Variants in PSD3 observed in about 807,000 individuals in gnomAD.
PSD3 encodes pleckstrin and Sec7 domain containing 3.
Under a neutral mutation model 105.5 loss-of-function variants are expected in PSD3, and 49 were observed. The observed-to-expected ratio is 0.46, with a 90% confidence interval of 0.37 to 0.59. The LOEUF (loss-of-function observed/expected upper bound fraction) is 0.59, where lower values mean the gene tolerates loss of function less well. Among genes scored for constraint, PSD3 ranks in the 20% least tolerant of loss-of-function variants. The probability of loss-of-function intolerance (pLI) is 0.00; values close to 1 mark genes in which losing one functional copy is unlikely to be tolerated. For missense variants in PSD3, 1,561 were observed against 1,263.8 expected (o/e 1.24, Z -3.57); for synonymous variants, 557 against 457.8 (o/e 1.22, Z -2.77).
chr8:18,801,657 C>T (rs2129447399), intron 6 of PSD3, among the ~76,000 whole-genome samples: 1 of 152,148 alleles, frequency 6.6e-6, no homozygotes, highest in Admixed American at 6.5e-5. Context: ...TGGCGAAACC[C>T]CATCTCTACT....
intron 2 of PSD3, among the ~76,000 whole-genome samples, chr8:18,881,036 A>T (rs1818067258): frequency 6.6e-6 from 1 of 152,178 alleles, no homozygotes. Flanking sequence ...GGAGGTATCT[A>T]TTTACAGTCC....
At chr8:18,908,623 G>A (rs12375314) in intron 2 of PSD3, among the ~76,000 whole-genome samples, 6,959 of 152,196 alleles carry the variant, frequency 0.046, 197 homozygotes, top group Admixed American at 0.08. Flanking sequence ...ATGAAAGCAC[G>A]TCTGTCTCTG....
chr8:18,810,091 T>C (rs1466921411), intron 4 of PSD3, among the ~76,000 whole-genome samples: 2 of 152,186 alleles, frequency 1.3e-5, no homozygotes, highest in Admixed American at 1.3e-4. Context: ...CAAGCTGTGC[T>C]CCCATGCCTT....
chr8:18,619,047 A>T (rs1319337738), intron 11 of PSD3, among the ~76,000 whole-genome samples: 1 of 152,082 alleles, frequency 6.6e-6, no homozygotes. Context: ...GCTTGAGCTC[A>T]AAGTGTTTTT....
chr8:18,638,448 T>C (rs545698681), intron 10 of PSD3, among the ~76,000 whole-genome samples: 2 of 152,072 alleles, frequency 1.3e-5, no homozygotes, highest in South Asian at 4.1e-4. Context: ...AGTTTTAGAT[T>C]AAAAAACCAA....
intron 4 of PSD3, among the ~76,000 whole-genome samples, chr8:18,809,095 G>T (rs1811462470): frequency 6.6e-6 from 1 of 152,160 alleles, no homozygotes; most frequent in Non-Finnish European, 1.5e-5. Context: ...TCTCGGAGGG[G>T]ATAACACCCC....
intron 9 of PSD3, among the ~76,000 whole-genome samples, chr8:18,741,226 A>C (rs891104308): frequency 5.3e-5 from 8 of 152,154 alleles, no homozygotes; most frequent in Admixed American, 4.6e-4. Context: ...GACACATGTA[A>C]TCTCATTTCC....
At chr8:19,066,311 T>C (rs1267123103) in intron 1 of PSD3, among the ~76,000 whole-genome samples, 3 of 152,220 alleles carry the variant, frequency 2.0e-5, no homozygotes, top group Non-Finnish European at 4.4e-5. Context: ...AGAAAATTTT[T>C]CTTTAAAGAA....
At chr8:18,774,158 T>C (rs1490150051) in intron 8 of PSD3, among the ~76,000 whole-genome samples, 1 of 143,424 alleles carries the variant, frequency 7.0e-6, no homozygotes, top group Non-Finnish European at 1.6e-5. Flanking sequence ...AGTTCTCCCA[T>C]ACAGATTCCT....
chr8:18,638,099 G>A (rs1205483077), intron 10 of PSD3, among the ~76,000 whole-genome samples: 6 of 147,462 alleles, frequency 4.1e-5, no homozygotes, highest in African/African-American at 7.6e-5. Context: ...AGGTTGCAGT[G>A]AGCTAAGATC....
intron 1 of PSD3, among the ~76,000 whole-genome samples, chr8:18,955,929 G>A (rs1197081352): frequency 6.6e-6 from 1 of 151,784 alleles, no homozygotes; most frequent in Non-Finnish European, 1.5e-5. Flanking sequence ...ACACTGCCTC[G>A]GCTAATTTTT....
intron 11 of PSD3, among the ~76,000 whole-genome samples, chr8:18,614,339 A>AC (rs1805491698): frequency 2.1e-4 from 16 of 77,200 alleles, no homozygotes; most frequent in African/African-American, 7.0e-4. Flanking sequence ...CTTCTCCCCC[A>AC]TCCCCCCCCC....
At chr8:18,647,658 T>C (rs1808147903) in intron 10 of PSD3, among the ~76,000 whole-genome samples, 1 of 152,074 alleles carries the variant, frequency 6.6e-6, no homozygotes, top group South Asian at 2.1e-4. Flanking sequence ...ACATGATTTT[T>C]TTTTTTTTTT....
intron 11 of PSD3, among the ~76,000 whole-genome samples, chr8:18,628,977 G>C (rs182016473): frequency 6.6e-6 from 1 of 151,796 alleles, no homozygotes; most frequent in Non-Finnish European, 1.5e-5. Context: ...AATGGTATAG[G>C]CACTCTAATT....
At chr8:18,615,236 T>A (rs772177791) in intron 11 of PSD3, among the ~76,000 whole-genome samples, 1 of 152,112 alleles carries the variant, frequency 6.6e-6, no homozygotes, top group African/African-American at 2.4e-5. Context: ...AATCACCTGC[T>A]CCACCCTAAC....
chr8:18,851,540 G>A (rs1392743196), intron 4 of PSD3, among the ~76,000 whole-genome samples: 2 of 152,212 alleles, frequency 1.3e-5, no homozygotes, highest in Non-Finnish European at 2.9e-5. Flanking sequence ...TCTCCTACAG[G>A]AACTCTGGGT....
intron 9 of PSD3, among the ~76,000 whole-genome samples, chr8:18,755,469 T>TAAC (rs1554490347): frequency 1.3e-5 from 2 of 151,732 alleles, no homozygotes; most frequent in African/African-American, 4.8e-5. Flanking sequence ...TAACATAACA[T>TAAC]AACATAACAT....
chr8:18,544,300 G>C (rs1800331709), intron 15 of PSD3, among the ~76,000 whole-genome samples: 1 of 151,606 alleles, frequency 6.6e-6, no homozygotes, highest in African/African-American at 2.4e-5. Context: ...GAGTTGCAGA[G>C]ACTCTCCTTG....
intron 8 of PSD3, among the ~76,000 whole-genome samples, chr8:18,780,466 G>A (rs1393934533): frequency 6.6e-6 from 1 of 151,706 alleles, no homozygotes; most frequent in Non-Finnish European, 1.5e-5. Flanking sequence ...ATTATTTTTT[G>A]GTTTTGTGTA....
Sources: allele counts gnomAD v4.1 joint callset (sites outside exome capture counted in the v4.1 genomes callset), GRCh38; gene constraint gnomAD v4.1.1; transcripts MANE v1.5; gene names NCBI Gene and HGNC (gene_info 2026-07-23, HGNC 2026-07-21).